MAJIN: variants seen among roughly 807,000 people sequenced by gnomAD.
The protein encoded by MAJIN is membrane-anchored junction protein.
In MAJIN, 27 loss-of-function variants were observed where a neutral mutation model predicts 30.2. The observed-to-expected ratio is 0.89, with a 90% CI of 0.66 to 1.23. MAJIN has a LOEUF of 1.23. MAJIN is among the 50% of genes most tolerant of loss of function. MAJIN has a pLI of 0.00. For synonymous variants in MAJIN, 78 were observed against 91.6 expected (o/e 0.85, Z 0.85); for missense variants, 253 against 260.3 (o/e 0.97, Z 0.19).
chr11:64,955,944 A>G (rs886648817), intron 3 of MAJIN, among the ~76,000 whole-genome samples: 1 of 152,214 alleles, frequency 6.6e-6, no homozygotes, highest in African/African-American at 2.4e-5. Flanking sequence ...AGGCAGGTGG[A>G]TCACCTGAGG....
chr11:64,941,011 TG>T (rs1945370562), intron 8 of MAJIN, among the ~76,000 whole-genome samples: 4 of 151,798 alleles, frequency 2.6e-5, no homozygotes. Context: ...GCTAATTTTT[TG>T]TATTTTTAGT....
intron 8 of MAJIN, among the ~76,000 whole-genome samples, chr11:64,944,549 C>A (rs1329879704): frequency 1.3e-5 from 2 of 152,202 alleles, no homozygotes; most frequent in Non-Finnish European, 2.9e-5. Context: ...GTCCTAGCTA[C>A]TCCAGAGGCT....
At chr11:64,954,394 G>A (rs969162898) in intron 4 of MAJIN, 10 of 385,028 alleles carry the variant, frequency 2.6e-5, no homozygotes, top group East Asian at 6.2e-5. Context: ...TTTCCTGAAC[G>A]TCAAGTACCA....
intron 4 of MAJIN, among the ~76,000 whole-genome samples, chr11:64,953,519 G>A (rs1436797618): frequency 2.6e-5 from 4 of 152,164 alleles, no homozygotes; most frequent in Non-Finnish European, 5.9e-5. Context: ...ATGGCCGGGT[G>A]CAGTGGCTCA....
intron 1 of MAJIN, among the ~76,000 whole-genome samples, chr11:64,970,587 C>T (rs1945884660): frequency 6.6e-6 from 1 of 151,134 alleles, no homozygotes; most frequent in African/African-American, 2.4e-5. Context: ...GGATAATCTC[C>T]ATCTCCTGAC....
At chr11:64,939,548 G>A (rs993699257) in intron 10 of MAJIN, 114 bp downstream of exon 10, 59 of 865,978 alleles carry the variant, frequency 6.8e-5, no homozygotes, top group Non-Finnish European at 9.8e-5. Context: ...CTAGACATAA[G>A]TGAGAAGCCT....
chr11:64,968,939 G>C (rs1054350872), intron 1 of MAJIN, among the ~76,000 whole-genome samples: 2 of 152,152 alleles, frequency 1.3e-5, no homozygotes, highest in Admixed American at 6.5e-5. Flanking sequence ...GAAATAGGGA[G>C]ACCAGTTAAG....
In MAJIN at chr11:64,950,245, G is replaced by C. The variant is rs181515919; in HGVS notation, c.223+110C>G. Reference sequence around the variant, plus strand: ...CTGGAGAGGCTGAGGCAAGAGAATCGCTTGAACCTGGGAGGCTGAGGTTGC... The same window carrying C: ...CTGGAGAGGCTGAGGCAAGAGAATCCCTTGAACCTGGGAGGCTGAGGTTGC... On this transcript the variant is annotated intron_variant, in intron 5 of 10. Transcript: ENST00000301896. 275 of 912,364 alleles carry C rather than the reference G, an allele frequency of 3.0e-4. 1 individual carries two copies. The East Asian group carries it at 7.4e-3, about 24-fold the overall frequency. 56.5% of individuals were successfully genotyped at this position (912,364 alleles called of 1,614,324 possible). A position where few individuals can be genotyped will look rare whatever the true frequency, so the allele number is the denominator to read the frequency against.
In MAJIN at chr11:64,965,520, C is replaced by T. The variant is rs572790020; in HGVS notation, c.-64-5385G>A. ...AATGCATCTTCCCCTTTCACCTTAA[C>T]CATCCTAAGAGCTAATGAAAAACGA... On this transcript the variant is annotated intron_variant, in intron 1 of 10. Coordinates refer to ENST00000301896, the MANE Select transcript of MAJIN (RefSeq NM_001037225.3). Among the ~76,000 whole-genome samples, 4 of 152,280 alleles carry T rather than the reference C, an allele frequency of 2.6e-5. No homozygotes were observed. The East Asian group carries it at 7.7e-4, about 29-fold the overall frequency.
intron 8 of MAJIN, among the ~76,000 whole-genome samples, chr11:64,940,971 T>A (rs1265455045): frequency 6.6e-6 from 1 of 151,184 alleles, no homozygotes; most frequent in Admixed American, 6.6e-5. Flanking sequence ...CCTGAGTAGC[T>A]GGGACTACAG....
rs967940853 is a variant in MAJIN, at chr11:64,938,509, G to A, written c.*66C>T. 16 of 1,533,756 alleles carry A rather than the reference G, an allele frequency of 1.0e-5. No homozygotes were observed. Among genetic ancestry groups the A allele is most frequent in the East Asian group, 4.9e-5 (2 of 40,900 alleles). On this transcript the variant is annotated 3_prime_UTR_variant, in exon 11 of 11. Coordinates refer to ENST00000301896, the MANE Select transcript of MAJIN (RefSeq NM_001037225.3). Reference sequence around the variant, plus strand: ...TACAAGAGATGATCCTCTTTCCAGCGCTGCATTTGGAAGGCTCAAGAGTGG... The same window carrying A: ...TACAAGAGATGATCCTCTTTCCAGCACTGCATTTGGAAGGCTCAAGAGTGG...
intron 1 of MAJIN, among the ~76,000 whole-genome samples, chr11:64,963,632 G>GT (rs1324777519): frequency 2.0e-5 from 3 of 152,202 alleles, no homozygotes; most frequent in Non-Finnish European, 4.4e-5. Flanking sequence ...GAGGTCGGGA[G>GT]TTTGAGACCA....
At position 64,938,494 on chromosome 11, in the gene MAJIN, G is replaced by T. The variant is rs1164511132; in HGVS notation, c.*81C>A. 3 of 1,528,542 alleles carry T rather than the reference G, an allele frequency of 2.0e-6. No individual in the cohort carries two copies. Among genetic ancestry groups the T allele is most frequent in the Non-Finnish European group, 2.6e-6 (3 of 1,140,126 alleles). 94.7% of individuals were successfully genotyped at this position (1,528,542 alleles called of 1,614,324 possible). A position where few individuals can be genotyped will look rare whatever the true frequency, so the allele number is the denominator to read the frequency against. ...CTCGGGAGGAGTCACTACAAGAGAT[G>T]ATCCTCTTTCCAGCGCTGCATTTGG... On this transcript the variant is annotated 3_prime_UTR_variant, in exon 11 of 11. Coordinates refer to ENST00000301896, the MANE Select transcript of MAJIN (RefSeq NM_001037225.3).
intron 1 of MAJIN, among the ~76,000 whole-genome samples, chr11:64,962,005 T>G (rs969088228): frequency 2.4e-4 from 37 of 152,220 alleles, no homozygotes; most frequent in African/African-American, 8.9e-4. Context: ...CAGGCTAGTC[T>G]TGAACTCCTG....
At chr11:64,946,123 G>A in intron 8 of MAJIN, 1 of 1,535,232 alleles carries the variant, frequency 6.5e-7, no homozygotes, top group Non-Finnish European at 8.7e-7. Context: ...TCTTTTTGCT[G>A]GGGCCTTGGC....
chr11:64,938,520 A>C lies in MAJIN; in HGVS notation c.*55T>G, dbSNP rs1433893242. ...ATCCTCTTTCCAGCGCTGCATTTGGAAGGCTCAAGAGTGGCTGCTCTTCCT... is the reference window on the plus strand; with the variant it reads ...ATCCTCTTTCCAGCGCTGCATTTGGCAGGCTCAAGAGTGGCTGCTCTTCCT... On this transcript the variant is annotated 3_prime_UTR_variant, in exon 11 of 11. Coordinates refer to ENST00000301896, the MANE Select transcript of MAJIN (RefSeq NM_001037225.3). 2.6e-6 allele frequency: 4 copies of C among 1,535,360 alleles called. No individual in the cohort carries two copies. In the East Asian group the frequency reaches 7.3e-5, roughly 28 times the overall value.
At chr11:64,938,708 C>A in intron 10 of MAJIN, 135 bp from the exon 11 acceptor site, 1 of 965,514 alleles carries the variant, frequency 1.0e-6, no homozygotes, top group Non-Finnish European at 1.5e-6. Context: ...GACTGAATAG[C>A]ATTTGAAAAG....
chr11:64,971,573 C>G (rs1178495816), intron 1 of MAJIN, among the ~76,000 whole-genome samples: 2 of 151,984 alleles, frequency 1.3e-5, no homozygotes, highest in Non-Finnish European at 2.9e-5. Flanking sequence ...TACTGTGTGC[C>G]GGTCACTCGC....
chr11:64,950,388 G>C lies in MAJIN; in HGVS notation c.190C>G (p.Pro64Ala), dbSNP rs1945533479. 6 of 1,612,452 alleles carry C rather than the reference G, an allele frequency of 3.7e-6. No individual in the cohort carries two copies. The highest frequency in any genetic ancestry group is 5.1e-6 in the Non-Finnish European group (6 of 1,179,398). The change falls in exon 5 of 11, where the codon CCC becomes GCC. Residue 64 changes from proline to alanine, a missense_variant. Coordinates refer to ENST00000301896, the MANE Select transcript of MAJIN (RefSeq NM_001037225.3). The part of the protein sequence containing the change: ...VVLGNLDNLQ[P>A]FATEHFIVFP... Reference sequence around the variant, plus strand: ...ACAATGAAGTGTTCTGTAGCAAAGGGCTGAAGATTGTCCAAGTTTCCCAAG... The same window carrying C: ...ACAATGAAGTGTTCTGTAGCAAAGGCCTGAAGATTGTCCAAGTTTCCCAAG...
Sources: allele counts gnomAD v4.1 joint callset (sites outside exome capture counted in the v4.1 genomes callset), GRCh38; gene constraint gnomAD v4.1.1; transcripts MANE v1.5; gene names NCBI Gene and HGNC (gene_info 2026-07-23, HGNC 2026-07-21).